NELL2: variants seen among roughly 807,000 people sequenced by gnomAD.
NELL2 encodes the protein protein kinase C-binding protein NELL2.
A neutral mutation model predicts 109.6 loss-of-function variants in NELL2; 41 were observed. The ratio of observed to expected loss-of-function variants is 0.37; its 90% CI spans 0.29 to 0.49. The LOEUF is 0.49. NELL2 is among the 20% of genes least tolerant of loss of function. NELL2 has a pLI of 0.98. For missense variants in NELL2, 900 were observed against 1,008.3 expected, an observed-to-expected ratio of 0.89 and a Z score of 1.45; for synonymous variants, 355 against 344.7, an observed-to-expected ratio of 1.03 and a Z score of -0.33.
chr12:44,648,289 CCTT>C (rs775195706), intron 13 of NELL2, among the ~76,000 whole-genome samples: 9 of 152,176 alleles, frequency 5.9e-5, no homozygotes, highest in Non-Finnish European at 1.3e-4. Flanking sequence ...TTCCTACTTC[CCTT>C]CTTCCTCCCT....
intron 15 of NELL2, among the ~76,000 whole-genome samples, chr12:44,570,581 TA>T (rs1943828867): frequency 6.6e-6 from 1 of 152,228 alleles, no homozygotes; most frequent in Non-Finnish European, 1.5e-5. Flanking sequence ...TGCCATGGAA[TA>T]TGTCAATGCC....
At chr12:44,732,217 A>G (rs1939406591) in intron 9 of NELL2, among the ~76,000 whole-genome samples, 1 of 152,052 alleles carries the variant, frequency 6.6e-6, no homozygotes, top group East Asian at 1.9e-4. Context: ...CAGTCAAAAC[A>G]ATGCTAAAAT....
At chr12:44,550,546 CATAAATAAATAA>C (rs61282621) in intron 15 of NELL2, among the ~76,000 whole-genome samples, 5,595 of 139,032 alleles carry the variant, frequency 0.04, 224 homozygotes, top group African/African-American at 0.098. Flanking sequence ...TCCATCTCAA[CATAAATAAATAA>C]ATAAATAAAT....
intron 1 of NELL2, among the ~76,000 whole-genome samples, chr12:44,919,445 T>G (rs1400174699): frequency 6.6e-6 from 1 of 152,106 alleles, no homozygotes; most frequent in African/African-American, 2.4e-5. Context: ...GATGTTAAAG[T>G]CCTAACCCCC....
At chr12:44,747,442 A>T (rs1940434781) in intron 9 of NELL2, among the ~76,000 whole-genome samples, 2 of 149,160 alleles carry the variant, frequency 1.3e-5, no homozygotes, top group South Asian at 4.1e-4. Context: ...TAAAACTTCA[A>T]GTATAATAAT....
intron 2 of NELL2, among the ~76,000 whole-genome samples, chr12:44,826,953 G>T (rs759185545): frequency 6.6e-6 from 1 of 152,030 alleles, no homozygotes; most frequent in Non-Finnish European, 1.5e-5. Context: ...AGAATCATTA[G>T]GTGTTTCAAA....
At position 44,893,509 on chromosome 12, in the gene NELL2, C is replaced by T. The variant is rs148316633; in HGVS notation, c.39-17609G>A. On this transcript the variant is annotated intron_variant, in intron 1 of 20. Coordinates refer to the NELL2 transcript ENST00000333837. Reference sequence around the variant, plus strand: ...TAACAAGTGTTAGCATTATTTTAAACACAGCTAAATTAAGTATTTCTGGGA... The same window carrying T: ...TAACAAGTGTTAGCATTATTTTAAATACAGCTAAATTAAGTATTTCTGGGA... Among the ~76,000 whole-genome samples, 6 of 152,196 alleles carry T rather than the reference C, an allele frequency of 3.9e-5. 1 individual carries two copies. Among genetic ancestry groups the T allele is most frequent in the African/African-American group, 1.4e-4 (6 of 41,550 alleles).
rs1176632055 is a variant in NELL2 at position 44,508,930 on chromosome 12, A to T, written c.*4T>A. ...AACAGAAATCTCCCATGAGACAGTT[A>T]ACTTCACAGTTCCTGAAGGCACTGT... On this transcript the variant is annotated 3_prime_UTR_variant, in exon 20 of 20. Transcript: ENST00000429094. The T allele has an allele frequency of 6.2e-7, 1 of 1,610,436 alleles. No homozygotes were observed. The highest frequency in any genetic ancestry group is 1.1e-5 in the South Asian group (1 of 90,670).
intron 3 of NELL2, among the ~76,000 whole-genome samples, chr12:44,804,367 G>A (rs1484370203): frequency 1.3e-5 from 2 of 151,782 alleles, no homozygotes; most frequent in African/African-American, 2.4e-5. Context: ...AAAAATATAA[G>A]ACTTCTCTCC....
chr12:44,587,966 ATG>A (rs1397280328), intron 15 of NELL2, among the ~76,000 whole-genome samples: 1 of 152,132 alleles, frequency 6.6e-6, no homozygotes, highest in African/African-American at 2.4e-5. Context: ...CCTGGCTAAC[ATG>A]GTGAAACCCC....
chr12:44,580,696 GAGAA>G (rs1210662188), intron 15 of NELL2, among the ~76,000 whole-genome samples: 1 of 152,134 alleles, frequency 6.6e-6, no homozygotes, highest in Non-Finnish European at 1.5e-5. Context: ...CTGGGTGACA[GAGAA>G]AGACTCTGTC....
At chr12:44,648,539 T>TA (rs1238224093) in intron 13 of NELL2, among the ~76,000 whole-genome samples, 1 of 151,858 alleles carries the variant, frequency 6.6e-6, no homozygotes, top group East Asian at 1.9e-4. Flanking sequence ...ACGAAGTTTC[T>TA]AGAGAGGGAA....
At chr12:44,778,001 G>C (rs141112374) in intron 5 of NELL2, among the ~76,000 whole-genome samples, 99 of 152,272 alleles carry the variant, frequency 6.5e-4, no homozygotes, top group African/African-American at 2.3e-3. Context: ...CTTCCAGCTT[G>C]CTGGGCTCCT....
At chr12:44,675,391 G>T (rs1247626723) in intron 12 of NELL2, among the ~76,000 whole-genome samples, 3 of 152,108 alleles carry the variant, frequency 2.0e-5, no homozygotes, top group Non-Finnish European at 2.9e-5. Flanking sequence ...CCAGGATTTT[G>T]TAAGCTATAC....
intron 15 of NELL2, among the ~76,000 whole-genome samples, chr12:44,565,848 G>C (rs997927669): frequency 1.3e-5 from 2 of 152,180 alleles, no homozygotes; most frequent in Non-Finnish European, 2.9e-5. Flanking sequence ...GGAAACGAGA[G>C]AAGATGAAGC....
chr12:44,534,356 A>T (rs573023960), intron 15 of NELL2, among the ~76,000 whole-genome samples: 1 of 152,252 alleles, frequency 6.6e-6, no homozygotes, highest in East Asian at 1.9e-4. Flanking sequence ...ATATTTCAGC[A>T]TTATTTCTGA....
At chr12:44,886,676 C>A (rs566929756) in intron 1 of NELL2, among the ~76,000 whole-genome samples, 4 of 151,932 alleles carry the variant, frequency 2.6e-5, no homozygotes, top group Admixed American at 2.6e-4. Context: ...CCAAATTATT[C>A]TCTTCTAGCT....
intron 12 of NELL2, among the ~76,000 whole-genome samples, chr12:44,686,714 A>T (rs1948729419): frequency 6.6e-6 from 1 of 151,936 alleles, no homozygotes; most frequent in African/African-American, 2.4e-5. Context: ...GGTGCCTCCC[A>T]GTTAGTCTGC....
intron 9 of NELL2, among the ~76,000 whole-genome samples, chr12:44,722,239 G>A (rs1034035919): frequency 3.3e-5 from 5 of 151,920 alleles, no homozygotes; most frequent in South Asian, 4.2e-4. Flanking sequence ...GCTGTGGCAC[G>A]ATGAACTGCA....
Sources: allele counts gnomAD v4.1 joint callset (sites outside exome capture counted in the v4.1 genomes callset), GRCh38; gene constraint gnomAD v4.1.1; transcripts MANE v1.5; gene names NCBI Gene and HGNC (gene_info 2026-07-23, HGNC 2026-07-21).